SOS1: variants seen among roughly 807,000 people sequenced by gnomAD.
SOS1 encodes the protein SOS Ras/Rac guanine nucleotide exchange factor 1, also known as son of sevenless homolog 1.
SOS1 carries 25 observed loss-of-function variants against 157.6 expected under a neutral mutation model. That is an observed-to-expected ratio of 0.16 (90% CI 0.12 to 0.22). The LOEUF (loss-of-function observed/expected upper bound fraction) is 0.22. SOS1 is among the 10% of genes least tolerant of loss of function. The pLI is 1.00. For missense variants in SOS1, 1,237 were observed against 1,599.1 expected (o/e 0.77, Z 3.86); for synonymous variants, 528 against 534.0 (o/e 0.99, Z 0.16).
intron 2 of SOS1, among the ~76,000 whole-genome samples, chr2:39,059,936 C>CT (rs1342293432): frequency 7.9e-5 from 12 of 151,998 alleles, no homozygotes; most frequent in Non-Finnish European, 1.8e-4. Flanking sequence ...GTTTACAAAC[C>CT]TTTTCAACTG....
chr2:39,095,680 T>C (rs1672745078), intron 1 of SOS1, among the ~76,000 whole-genome samples: 1 of 152,210 alleles, frequency 6.6e-6, no homozygotes. Flanking sequence ...AGTACTTGCT[T>C]CTGAGATAAA....
At chr2:39,060,927 T>C (rs1671377512) in intron 2 of SOS1, among the ~76,000 whole-genome samples, 1 of 147,652 alleles carries the variant, frequency 6.8e-6, no homozygotes, top group Non-Finnish European at 1.5e-5. Flanking sequence ...TAGAGTTACA[T>C]GTCTTTGAAA....
At chr2:39,033,992 A>G (rs1670257332) in intron 8 of SOS1, among the ~76,000 whole-genome samples, 2 of 152,188 alleles carry the variant, frequency 1.3e-5, no homozygotes. Flanking sequence ...AACAGTGTGT[A>G]AATGTCCCAT....
At chr2:39,024,238 A>ACC in intron 8 of SOS1, 101 bp from the exon 9 acceptor site, 2 of 514,584 alleles carry the variant, frequency 3.9e-6, no homozygotes, top group Non-Finnish European at 6.2e-6. Context: ...CAACTGTCAC[A>ACC]ATAAAAATTT....
At chr2:39,032,781 G>A (rs2124557648) in intron 8 of SOS1, among the ~76,000 whole-genome samples, 1 of 152,220 alleles carries the variant, frequency 6.6e-6, no homozygotes, top group East Asian at 1.9e-4. Context: ...GGCCTACATG[G>A]TGAAACCCTG....
At position 39,014,800 on chromosome 2, in the gene SOS1, G is replaced by A. The variant is rs762900789; in HGVS notation, c.1905C>T (p.Cys635=). 9.4e-6 allele frequency: 15 copies of A among 1,600,198 alleles called. No individual in the cohort carries two copies. The highest frequency in any genetic ancestry group is 1.1e-5 in the Non-Finnish European group (13 of 1,168,148). Residue 635 remains cysteine (C), a synonymous_variant, in exon 11 of 23, where the codon TGC becomes TGT. Coordinates refer to ENST00000402219, the MANE Select transcript of SOS1 (RefSeq NM_005633.4). ...TAAGACTCAGTAGTTCTTGAGGTTT[G>A]CAAAAGGATCTGTATGTTGTAAGAA... ...RTFLTTYRSF[C]KPQELLSLII...
chr2:39,103,705 G>A (rs1673059658), intron 1 of SOS1, among the ~76,000 whole-genome samples: 1 of 151,996 alleles, frequency 6.6e-6, no homozygotes, highest in South Asian at 2.1e-4. Context: ...GAAAACATAG[G>A]GGCAAATCCT....
intron 20 of SOS1, chr2:38,993,309 A>AC (rs756502586): frequency 2.0e-5 from 3 of 151,796 alleles, no homozygotes; most frequent in Non-Finnish European, 4.4e-5. Context: ...ACAGGTGCAC[A>AC]CCTCTCCTCT....
At chr2:39,055,959 A>G (rs1671197476) in intron 4 of SOS1, among the ~76,000 whole-genome samples, 1 of 152,192 alleles carries the variant, frequency 6.6e-6, no homozygotes, top group East Asian at 1.9e-4. Context: ...AGCCACATAT[A>G]TGCTTAACCT....
At chr2:39,112,436 T>G (rs998276755) in intron 1 of SOS1, among the ~76,000 whole-genome samples, 1 of 152,180 alleles carries the variant, frequency 6.6e-6, no homozygotes, top group Non-Finnish European at 1.5e-5. Context: ...TGGCTGGGAC[T>G]ACAGGTGCGT....
At chr2:38,995,012 T>G (rs1668844621) in intron 20 of SOS1, 111 bp downstream of exon 20, 1 of 836,636 alleles carries the variant, frequency 1.2e-6, no homozygotes, top group African/African-American at 1.7e-5. Flanking sequence ...GAAATGGCAT[T>G]TGACTTAACT....
chr2:38,990,171 T>C (rs748825678), intron 20 of SOS1, among the ~76,000 whole-genome samples: 1 of 133,090 alleles, frequency 7.5e-6, no homozygotes, highest in South Asian at 2.3e-4. Context: ...TCAGATTTCG[T>C]TTTTTTTTTT....
rs925487171 is a variant in SOS1, at chr2:39,041,809, C to A, written c.865-6309G>T. Among the ~76,000 whole-genome samples the A allele has an allele frequency of 2.0e-4, 31 of 152,140 alleles. 1 individual carries two copies. Among genetic ancestry groups the A allele is most frequent in the Non-Finnish European group, 5.9e-5 (4 of 68,032 alleles). On this transcript the variant is annotated intron_variant, in intron 6 of 22. Transcript: ENST00000402219. ...CTGGTTTACTCTATGTGTTAACAAA[C>A]CTTCCTATGTCAAAGTCATAAATAT...
intron 16 of SOS1, 150 bp downstream of exon 16, chr2:39,006,881 A>G (rs1669297686): frequency 3.0e-6 from 2 of 667,762 alleles, no homozygotes; most frequent in East Asian, 2.7e-5. Context: ...AAAGCAACCA[A>G]TTCATTACAA....
intron 1 of SOS1, among the ~76,000 whole-genome samples, chr2:39,074,649 C>T (rs146555545): frequency 8.2e-4 from 125 of 152,250 alleles, no homozygotes; most frequent in African/African-American, 2.5e-3. Flanking sequence ...AGGCAGATCA[C>T]CTGAGGTCAG....
At chr2:39,117,491 G>C (rs886443903) in intron 1 of SOS1, among the ~76,000 whole-genome samples, 2 of 152,078 alleles carry the variant, frequency 1.3e-5, no homozygotes, top group African/African-American at 4.8e-5. Flanking sequence ...GTCCGGACTG[G>C]CTAAAGCAAA....
At chr2:38,998,361 T>C (rs1558461419) in intron 17 of SOS1, among the ~76,000 whole-genome samples, 1 of 152,190 alleles carries the variant, frequency 6.6e-6, no homozygotes, top group Non-Finnish European at 1.5e-5. Flanking sequence ...GCGATTCTCC[T>C]GTCTCAGCCT....
At chr2:39,070,530 C>T (rs942026669) in intron 1 of SOS1, among the ~76,000 whole-genome samples, 1 of 152,166 alleles carries the variant, frequency 6.6e-6, no homozygotes, top group African/African-American at 2.4e-5. Context: ...ATTTAACAGT[C>T]ACCTGCATGG....
At chr2:38,998,888 T>C (rs958552307) in intron 17 of SOS1, among the ~76,000 whole-genome samples, 9 of 152,136 alleles carry the variant, frequency 5.9e-5, no homozygotes, top group African/African-American at 1.4e-4. Context: ...GTACTGCAGG[T>C]ACAAAGATGA....
Sources: allele counts gnomAD v4.1 joint callset (sites outside exome capture counted in the v4.1 genomes callset), GRCh38; gene constraint gnomAD v4.1.1; transcripts MANE v1.5; gene names NCBI Gene and HGNC (gene_info 2026-07-23, HGNC 2026-07-21).